The following SNX29 variants were observed in gnomAD, a reference collection of about 807,000 sequenced individuals.
SNX29 encodes sorting nexin 29.
In SNX29, 78 loss-of-function variants were observed where a neutral mutation model predicts 102.1. The observed-to-expected ratio is 0.76, with a 90% CI of 0.64 to 0.92. The LOEUF is 0.92. SNX29 is among the 40% of genes least tolerant of loss of function. The pLI is 0.00. For synonymous variants in SNX29, 580 were observed against 414.5 expected (o/e 1.40, Z -4.85); for missense variants, 1,280 against 1,061.7 (o/e 1.21, Z -2.86).
intron 13 of SNX29, among the ~76,000 whole-genome samples, chr16:12,138,686 G>A (rs1225092603): frequency 6.6e-6 from 1 of 152,072 alleles, no homozygotes; most frequent in Non-Finnish European, 1.5e-5. Context: ...CATTTGCTTT[G>A]TTACCTGATT....
intron 13 of SNX29, among the ~76,000 whole-genome samples, chr16:12,143,741 G>A (rs2054950290): frequency 6.6e-6 from 1 of 152,218 alleles, no homozygotes; most frequent in Non-Finnish European, 1.5e-5. Context: ...ATTCTCTGCA[G>A]TTAATCTAGC....
intron 18 of SNX29, among the ~76,000 whole-genome samples, chr16:12,428,759 C>T (rs1352289356): frequency 6.6e-6 from 1 of 152,110 alleles, no homozygotes; most frequent in Admixed American, 6.5e-5. Flanking sequence ...CAATTAATAT[C>T]TCCTCCTAGT....
intron 16 of SNX29, among the ~76,000 whole-genome samples, chr16:12,362,736 C>G (rs751550091): frequency 3.4e-4 from 52 of 152,128 alleles, no homozygotes; most frequent in Non-Finnish European, 6.5e-4. Context: ...GAAGCCCTGA[C>G]AAGGTCACAC....
rs2087281706 is a variant in SNX29, at chr16:12,470,449, G to A, written c.2038-7270G>A. Among the ~76,000 whole-genome samples the A allele has an allele frequency of 2.0e-5, 3 of 152,214 alleles. No individual in the cohort carries two copies. In the South Asian group the frequency reaches 6.2e-4, roughly 32 times the overall value. On this transcript the variant is annotated intron_variant, in intron 18 of 20. Coordinates refer to ENST00000566228, the MANE Select transcript of SNX29 (RefSeq NM_032167.5). ...GTCCTCCTCCTAAAATAGCACTCTT[G>A]CCCGGGAACCTGGGGGCTTGCGTGG...
intron 18 of SNX29, among the ~76,000 whole-genome samples, chr16:12,436,023 A>G (rs2085521213): frequency 6.6e-6 from 1 of 152,212 alleles, no homozygotes; most frequent in South Asian, 2.1e-4. Flanking sequence ...CTCCTGGGGC[A>G]GCTGCTAGGA....
intron 18 of SNX29, among the ~76,000 whole-genome samples, chr16:12,466,793 G>T (rs1335036811): frequency 6.6e-6 from 1 of 152,214 alleles, no homozygotes; most frequent in Non-Finnish European, 1.5e-5. Context: ...GGGCTCTTGG[G>T]TCCTCGGTGG....
intron 20 of SNX29, among the ~76,000 whole-genome samples, chr16:12,541,618 C>G (rs142180703): frequency 2.5e-4 from 38 of 152,318 alleles, no homozygotes; most frequent in African/African-American, 8.2e-4. Context: ...GGCCACATCT[C>G]TGTCGGGGTC....
intron 18 of SNX29, among the ~76,000 whole-genome samples, chr16:12,464,180 A>G (rs1454063766): frequency 6.6e-6 from 1 of 150,940 alleles, no homozygotes; most frequent in African/African-American, 2.4e-5. Context: ...CCATGTTGTC[A>G]CAAATGACAG....
intron 14 of SNX29, among the ~76,000 whole-genome samples, chr16:12,250,361 G>C (rs549008086): frequency 6.6e-6 from 1 of 152,024 alleles, no homozygotes; most frequent in Non-Finnish European, 1.5e-5. Flanking sequence ...ACAAGTCAGA[G>C]CCCCAGGAGA....
intron 15 of SNX29, among the ~76,000 whole-genome samples, chr16:12,292,340 A>G (rs745711079): frequency 2.0e-5 from 3 of 152,198 alleles, no homozygotes; most frequent in African/African-American, 4.8e-5. Context: ...AGATGCTACA[A>G]TTAATGTTTC....
chr16:12,103,382 G>A (rs187826839), intron 11 of SNX29, among the ~76,000 whole-genome samples: 27 of 152,204 alleles, frequency 1.8e-4, no homozygotes, highest in Non-Finnish European at 3.4e-4. Context: ...ACAGAACAGA[G>A]GCCTCAGAAA....
At chr16:12,551,121 G>T (rs900160179) in intron 20 of SNX29, among the ~76,000 whole-genome samples, 2 of 151,988 alleles carry the variant, frequency 1.3e-5, no homozygotes, top group Non-Finnish European at 1.5e-5. Context: ...TGAAATAATG[G>T]AACAGTGGTC....
chr16:12,147,643 A>G (rs2055119472), intron 13 of SNX29, among the ~76,000 whole-genome samples: 1 of 152,204 alleles, frequency 6.6e-6, no homozygotes, highest in Admixed American at 6.5e-5. Context: ...AGCCGATCCA[A>G]GGAGCCGCAG....
chr16:12,552,455 G>A (rs188479426), intron 20 of SNX29, among the ~76,000 whole-genome samples: 68 of 152,266 alleles, frequency 4.5e-4, no homozygotes, highest in South Asian at 2.7e-3. Context: ...GAAATACCTC[G>A]GGTCCATCTC....
chr16:12,458,506 GTATT>G (rs1392745111), intron 18 of SNX29, among the ~76,000 whole-genome samples: 1 of 152,120 alleles, frequency 6.6e-6, no homozygotes, highest in Non-Finnish European at 1.5e-5. Context: ...TGAGGGTTTT[GTATT>G]TATTATGTAC....
At chr16:12,476,935 C>A (rs903128360) in intron 18 of SNX29, among the ~76,000 whole-genome samples, 9 of 152,048 alleles carry the variant, frequency 5.9e-5, no homozygotes, top group Non-Finnish European at 1.0e-4. Flanking sequence ...AGCCCTTTAT[C>A]CTTGGGGACT....
intron 15 of SNX29, among the ~76,000 whole-genome samples, chr16:12,314,626 T>G (rs887476603): frequency 6.6e-6 from 1 of 152,244 alleles, no homozygotes; most frequent in Non-Finnish European, 1.5e-5. Context: ...TTTTAAAAAC[T>G]TAAAGCTGTT....
At chr16:12,241,130 G>A (rs1044340911) in intron 14 of SNX29, among the ~76,000 whole-genome samples, 13 of 151,990 alleles carry the variant, frequency 8.6e-5, no homozygotes, top group African/African-American at 2.9e-4. Context: ...TTTAAACCTC[G>A]ATTCCAGTAG....
chr16:12,440,668 A>G (rs956009724), intron 18 of SNX29, among the ~76,000 whole-genome samples: 2 of 87,708 alleles, frequency 2.3e-5, no homozygotes, highest in African/African-American at 4.6e-5. Context: ...TTTAGCTCCC[A>G]CTTCTAAGTG....
Sources: allele counts gnomAD v4.1 joint callset (sites outside exome capture counted in the v4.1 genomes callset), GRCh38; gene constraint gnomAD v4.1.1; transcripts MANE v1.5; gene names NCBI Gene and HGNC (gene_info 2026-07-23, HGNC 2026-07-21).